The following KDM1B variants were observed in gnomAD, a reference collection of about 807,000 sequenced individuals.
KDM1B encodes lysine demethylase 1B.
In KDM1B, 63 loss-of-function variants were observed where a neutral mutation model predicts 107.4. The ratio of observed to expected loss-of-function variants is 0.59; its 90% CI spans 0.48 to 0.72. The LOEUF is 0.72. Among genes scored for constraint, KDM1B ranks in the 30% least tolerant of loss-of-function variants. The pLI, the probability that KDM1B is intolerant of heterozygous loss-of-function variation, is 0.00. For missense variants in KDM1B, 749 were observed against 1,020.8 expected (o/e 0.73, Z 3.63); for synonymous variants, 363 against 363.9 (o/e 1.00, Z 0.03).
chr6:18,167,820 T>C (rs925507458), intron 6 of KDM1B, among the ~76,000 whole-genome samples: 1 of 152,064 alleles, frequency 6.6e-6, no homozygotes, highest in African/African-American at 2.4e-5. Context: ...TAGAGTGCAG[T>C]TGTGGGATTA....
rs368574981 is a variant in KDM1B at position 18,173,232 on chromosome 6, G to A, written c.534+1753G>A. Among the ~76,000 whole-genome samples the A allele has an allele frequency of 1.1e-4, 16 of 152,124 alleles. No individual in the cohort carries two copies. In the East Asian group the frequency reaches 2.9e-3, roughly 28 times the overall value. On this transcript the variant is annotated intron_variant, in intron 7 of 21. Transcript: ENST00000650836. Reference sequence around the variant, plus strand: ...TTCTTTTTTAAAAAATTTAATTATAGCCATTCTAATGGGTATGTACTAGTA... The same window carrying A: ...TTCTTTTTTAAAAAATTTAATTATAACCATTCTAATGGGTATGTACTAGTA...
At position 18,179,849 on chromosome 6, in the gene KDM1B, CCTTTTTTT is replaced by C. The variant is rs1286859982; in HGVS notation, c.535-5922_535-5915del. 7.3e-4 allele frequency among the ~76,000 whole-genome samples: 70 copies of C among 96,284 alleles called. 7 individuals carry two copies. The highest frequency in any genetic ancestry group is 2.6e-3 in the African/African-American group (63 of 24,108). The allele number at this position is 96,284 out of a possible 152,430, so 63.2% of individuals were successfully genotyped here. A position where few individuals can be genotyped will look rare whatever the true frequency, so the allele number is the denominator to read the frequency against. Reference sequence around the variant, plus strand: ...TTTCAATTTAGCATTGGTTTTTTTTCCTTTTTTTTTTTTTTTTTTTTTTTTTTTTCATA... The same window carrying C: ...TTTCAATTTAGCATTGGTTTTTTTTCTTTTTTTTTTTTTTTTTTTTTCATA... On this transcript the variant is annotated intron_variant, in intron 7 of 21. Transcript: ENST00000650836.
chr6:18,162,110 C>T lies in KDM1B; in HGVS notation c.215+656C>T, dbSNP rs1451338610. Among the ~76,000 whole-genome samples the T allele has an allele frequency of 6.6e-6, 1 of 152,124 alleles. No individual in the cohort carries two copies. The highest frequency in any genetic ancestry group is 2.4e-5 in the African/African-American group (1 of 41,422). On this transcript the variant is annotated intron_variant, in intron 4 of 21. Transcript: ENST00000650836. This position sits in a 1 kb window ranked among gnomAD's most constrained non-coding sequence, Gnocchi z 4.1. ...CCAAGATGGGCGGATCAGTTGAGGTCAGGAGTTCCAGACCAGCCTGGCCAA... is the reference window on the plus strand; with the variant it reads ...CCAAGATGGGCGGATCAGTTGAGGTTAGGAGTTCCAGACCAGCCTGGCCAA...
In KDM1B at chr6:18,159,393, GGTTT is replaced by G. The variant is rs1205161966; in HGVS notation, c.-13-485_-13-482del. On this transcript the variant is annotated intron_variant, in intron 2 of 21. Coordinates refer to ENST00000650836, the MANE Select transcript of KDM1B (RefSeq NM_001364614.2). The surrounding 1 kb of genome is among the most constrained non-coding windows in gnomAD (Gnocchi z 4.5). ...TCATTGAATTTTATAAACATAGTGT[GGTTT>G]GTTTATTGGTCATTCATGTGGCATG... 2.6e-5 allele frequency among the ~76,000 whole-genome samples: 4 copies of G among 152,102 alleles called. No homozygotes were observed. Among genetic ancestry groups the G allele is most frequent in the Non-Finnish European group, 5.9e-5 (4 of 68,010 alleles).
chr6:18,180,149 A>G (rs1324539907), intron 7 of KDM1B, among the ~76,000 whole-genome samples: 1 of 151,676 alleles, frequency 6.6e-6, no homozygotes, highest in Non-Finnish European at 1.5e-5. Context: ...GAGAAGAGGA[A>G]GAGAAAAGAG....
chr6:18,208,132 G>A lies in KDM1B; in HGVS notation c.1792G>A (p.Val598Met). 2 of 1,611,888 alleles carry A rather than the reference G, an allele frequency of 1.2e-6. No homozygotes were observed. Among genetic ancestry groups the A allele is most frequent in the Non-Finnish European group, 1.7e-6 (2 of 1,178,154 alleles). Residue 598 changes from valine (V) to methionine (M), a missense_variant and splice_region_variant, in exon 17 of 22, where the codon GTG (valine) becomes ATG (methionine). Physicochemically the swap from Val to Met is conservative, Grantham distance 21 (BLOSUM62 1). Transcript: ENST00000650836. ...EGLDIQLKSP[V>M]QCIDYSGDEV... Reference sequence around the variant, plus strand: ...TTTTTCATAATTGCTTTTTGAGCAGGTGCAGTGTATTGATTATTCTGGAGA... The same window carrying A: ...TTTTTCATAATTGCTTTTTGAGCAGATGCAGTGTATTGATTATTCTGGAGA...
chr6:18,170,724 C>T (rs1383216269), intron 6 of KDM1B, among the ~76,000 whole-genome samples: 3 of 152,164 alleles, frequency 2.0e-5, no homozygotes, highest in Non-Finnish European at 4.4e-5. Flanking sequence ...AAGCAGTCTG[C>T]CTGCCTCAGC....
At chr6:18,166,743 A>G (rs994767431) in intron 6 of KDM1B, among the ~76,000 whole-genome samples, 3 of 151,410 alleles carry the variant, frequency 2.0e-5, no homozygotes, top group African/African-American at 2.4e-5. Flanking sequence ...AGTCCCATCT[A>G]CTCATCAGGT....
At position 18,191,448 on chromosome 6, in the gene KDM1B, T is replaced by G; in HGVS notation, c.969+67T>G. On this transcript the variant is annotated intron_variant, in intron 10 of 21. Transcript: ENST00000650836. The surrounding 1 kb of genome is among the most constrained non-coding windows in gnomAD (Gnocchi z 5.1). Reference sequence around the variant, plus strand: ...GACCATGTTGAAAAGGAGGGGATACTTCATCTGGGGATGGAACCTTTTATG... The same window carrying G: ...GACCATGTTGAAAAGGAGGGGATACGTCATCTGGGGATGGAACCTTTTATG... 2 of 1,446,396 alleles carry G rather than the reference T, an allele frequency of 1.4e-6. No individual in the cohort carries two copies. Among genetic ancestry groups the G allele is most frequent in the Non-Finnish European group, 1.9e-6 (2 of 1,074,390 alleles). The allele number at this position is 1,446,396 out of a possible 1,614,324, so 89.6% of individuals were successfully genotyped here.
At chr6:18,218,217 C>T (rs112244964) in intron 21 of KDM1B, among the ~76,000 whole-genome samples, 59 of 152,188 alleles carry the variant, frequency 3.9e-4, no homozygotes, top group African/African-American at 1.3e-3. Flanking sequence ...AACTCCCAGG[C>T]TCAGGTGACC....
Position 18,197,510 on chromosome 6 carries a change from C to T in KDM1B, c.1147-77C>T. The T allele has an allele frequency of 8.8e-7, 1 of 1,138,228 alleles. No homozygotes were observed. The highest frequency in any genetic ancestry group is 1.3e-6 in the Non-Finnish European group (1 of 762,444). The allele number at this position is 1,138,228 out of a possible 1,614,324, so 70.5% of individuals were successfully genotyped here. On this transcript the variant is annotated intron_variant, in intron 11 of 21. Coordinates refer to ENST00000650836, the MANE Select transcript of KDM1B (RefSeq NM_001364614.2). The surrounding 1 kb of genome is among the most constrained non-coding windows in gnomAD (Gnocchi z 4.5). ...AGAAATGTAAATGAACGAATTTGCT[C>T]TGCAGTTCCGGAACAACTAAAACAG... is the stretch of plus-strand genomic sequence containing the variant.
At chr6:18,184,840 GTCCTCCCACTTCA>G (rs998860433) in intron 7 of KDM1B, among the ~76,000 whole-genome samples, 1 of 134,432 alleles carries the variant, frequency 7.4e-6, no homozygotes, top group African/African-American at 2.7e-5. Context: ...GGCTCAATCA[GTCCTCCCACTTCA>G]GCCTCCCGAG....
chr6:18,167,769 CA>C (rs1785402384), intron 6 of KDM1B, among the ~76,000 whole-genome samples: 1 of 151,876 alleles, frequency 6.6e-6, no homozygotes, highest in African/African-American at 2.4e-5. Flanking sequence ...CCACAATGCC[CA>C]ATTTTTTTTT....
intron 9 of KDM1B, among the ~76,000 whole-genome samples, chr6:18,190,304 A>T (rs919419057): frequency 8.6e-5 from 13 of 150,972 alleles, no homozygotes; most frequent in African/African-American, 3.2e-4. Flanking sequence ...TTAAAAACAG[A>T]TAAGAAGGCC....
At chr6:18,187,765 C>G in intron 8 of KDM1B, 27 bp from the exon 9 acceptor site, 1 of 1,453,568 alleles carries the variant, frequency 6.9e-7, no homozygotes, top group Non-Finnish European at 9.4e-7. Context: ...GTCCTTGTCT[C>G]TCTTCTTCCT....
In KDM1B at chr6:18,201,249, G is replaced by A. The variant is rs779961483; in HGVS notation, c.1360-237G>A. On this transcript the variant is annotated intron_variant, in intron 13 of 21. Transcript: ENST00000650836. The surrounding 1 kb of genome is among the most constrained non-coding windows in gnomAD (Gnocchi z 4.3). ...TAGCCAAAAAGTTACAATGGGCATG[G>A]CGTAGGAGCTGTTGCTGCCCCTCTC... Among the ~76,000 whole-genome samples the A allele has an allele frequency of 1.3e-5, 2 of 152,176 alleles. No individual in the cohort carries two copies. Among genetic ancestry groups the A allele is most frequent in the African/African-American group, 2.4e-5 (1 of 41,442 alleles).
Position 18,200,672 on chromosome 6 carries a change from A to G in KDM1B, c.1359+96A>G, listed in dbSNP as rs576247191. ...TTAATATGCTTCTAAAGTAAATTAC[A>G]TATAACAGCCCCCTCATCTCCTATG... On this transcript the variant is annotated intron_variant, in intron 13 of 21. Transcript: ENST00000650836. This position sits in a 1 kb window ranked among gnomAD's most constrained non-coding sequence, Gnocchi z 4.3. The G allele has an allele frequency of 2.8e-5, 31 of 1,112,956 alleles. No individual in the cohort carries two copies. The African/African-American group carries it at 4.2e-4, about 15-fold the overall frequency. 68.9% of individuals were successfully genotyped at this position (1,112,956 alleles called of 1,614,324 possible). A position where few individuals can be genotyped will look rare whatever the true frequency, so the allele number is the denominator to read the frequency against.
In KDM1B at chr6:18,207,332, T is replaced by G. The variant is rs943143211; in HGVS notation, c.1660-66T>G. On this transcript the variant is annotated intron_variant, in intron 15 of 21. Coordinates refer to ENST00000650836, the MANE Select transcript of KDM1B (RefSeq NM_001364614.2). ...GGCTGTTCCCACCTGGAGCTCCTCA[T>G]ATTGGCTCTCAGGCACAGGCACAAG... 9 of 1,584,486 alleles carry G rather than the reference T, an allele frequency of 5.7e-6. No individual in the cohort carries two copies. The Admixed American group carries it at 1.5e-4, about 27-fold the overall frequency.
At chr6:18,210,035 G>A (rs1222746761) in intron 17 of KDM1B, among the ~76,000 whole-genome samples, 1 of 152,118 alleles carries the variant, frequency 6.6e-6, no homozygotes, top group African/African-American at 2.4e-5. Flanking sequence ...CAGTACTTGT[G>A]CGTTTCTGTG....
Sources: gnomAD v4.1 joint callset for allele counts (sites outside exome capture counted in the v4.1 genomes callset) on GRCh38, gnomAD v4.1.1 for gene constraint, Gnocchi (gnomAD v3.1) non-coding constraint, MANE v1.5 for transcripts, NCBI Gene and HGNC (gene_info 2026-07-23, HGNC 2026-07-21) for gene names.